The following FRMD4B variants were observed in gnomAD, a reference collection of about 807,000 sequenced individuals.
FRMD4B encodes the protein FERM domain containing 4B, also known as FERM domain-containing protein 4B.
A neutral mutation model predicts 141.5 loss-of-function variants in FRMD4B; 74 were observed. The ratio of observed to expected loss-of-function variants is 0.52; its 90% CI spans 0.43 to 0.63. The LOEUF (loss-of-function observed/expected upper bound fraction) is 0.63. Among genes scored for constraint, FRMD4B ranks in the 30% least tolerant of loss-of-function variants. The pLI is 0.00. For synonymous variants in FRMD4B, 506 were observed against 467.9 expected (o/e 1.08, Z -1.05); for missense variants, 1,366 against 1,253.4 (o/e 1.09, Z -1.36).
chr3:69,265,894 T>G (rs1223268791), intron 5 of FRMD4B, among the ~76,000 whole-genome samples: 1 of 151,992 alleles, frequency 6.6e-6, no homozygotes, highest in East Asian at 1.9e-4. Context: ...TGTCTTATCA[T>G]GTCATAAAAT....
At chr3:69,536,192 G>C (rs541396761) in intron 1 of FRMD4B, 1 of 567,338 alleles carries the variant, frequency 1.8e-6, no homozygotes, top group East Asian at 3.5e-5. Context: ...CACCTTGCCC[G>C]CGTTAGGAGG....
intron 1 of FRMD4B, among the ~76,000 whole-genome samples, chr3:69,337,777 A>G (rs74420772): frequency 0.3 from 46,204 of 151,972 alleles, 7,326 homozygotes; most frequent in Admixed American, 0.35. Flanking sequence ...ACACCAGTTA[A>G]AATGGCAATC....
At chr3:69,338,900 A>T (rs1423784976) in intron 1 of FRMD4B, among the ~76,000 whole-genome samples, 1 of 152,198 alleles carries the variant, frequency 6.6e-6, no homozygotes, top group Non-Finnish European at 1.5e-5. Flanking sequence ...GCTATAAATA[A>T]CTTAGTATAG....
intron 1 of FRMD4B, among the ~76,000 whole-genome samples, chr3:69,350,540 C>A (rs577880540): frequency 1.7e-4 from 26 of 152,248 alleles, no homozygotes; most frequent in South Asian, 4.1e-4. Flanking sequence ...TTTACTGTGA[C>A]ACTATTCACA....
intron 1 of FRMD4B, among the ~76,000 whole-genome samples, chr3:69,510,460 T>C (rs575236398): frequency 6.6e-6 from 1 of 152,330 alleles, no homozygotes; most frequent in South Asian, 2.1e-4. Context: ...TAAAGCAGTT[T>C]CCACTTGGGG....
chr3:69,361,828 G>GTA (rs1426388403), intron 1 of FRMD4B, among the ~76,000 whole-genome samples: 1 of 152,178 alleles, frequency 6.6e-6, no homozygotes, highest in African/African-American at 2.4e-5. Context: ...AGCTGTGTGT[G>GTA]TATGCATGTG....
At chr3:69,190,481 C>G (rs866141753) in intron 17 of FRMD4B, among the ~76,000 whole-genome samples, 1 of 151,072 alleles carries the variant, frequency 6.6e-6, no homozygotes, top group Non-Finnish European at 1.5e-5. Flanking sequence ...ATGGTGTGAT[C>G]GTGGCTCACT....
intron 5 of FRMD4B, among the ~76,000 whole-genome samples, chr3:69,258,670 G>C (rs2093507489): frequency 6.6e-6 from 1 of 152,006 alleles, no homozygotes; most frequent in South Asian, 2.1e-4. Flanking sequence ...ACCTCTGTTT[G>C]ATCTGAGTTG....
Position 69,245,347 on chromosome 3 carries a change from G to GTTT in FRMD4B, c.581+3878_581+3879insAAA, listed in dbSNP as rs1488467550. On this transcript the variant is annotated intron_variant, in intron 7 of 22. Transcript: ENST00000398540. ...TGTGTGTGTGTGTGTGTGTGTGTGT[G>GTTT]TGTGTGTTTTTAGACAGAGTCTTGC... is the stretch of plus-strand genomic sequence containing the variant. Among the ~76,000 whole-genome samples, 102 of 150,890 alleles carry GTTT rather than the reference G, an allele frequency of 6.8e-4. 3 individuals carry two copies. The highest frequency in any genetic ancestry group is 2.4e-3 in the African/African-American group (98 of 40,484).
chr3:69,207,820 A>C (rs1045108644), intron 11 of FRMD4B, among the ~76,000 whole-genome samples: 1 of 151,042 alleles, frequency 6.6e-6, no homozygotes, highest in Non-Finnish European at 1.5e-5. Flanking sequence ...AAAAAAAAAA[A>C]GAAAAAACAA....
chr3:69,210,500 C>T (rs961578832), intron 11 of FRMD4B, among the ~76,000 whole-genome samples: 5 of 151,694 alleles, frequency 3.3e-5, no homozygotes, highest in Non-Finnish European at 5.9e-5. Flanking sequence ...AGTTCTGGTA[C>T]GTTTTCACAT....
At chr3:69,304,480 T>C in intron 3 of FRMD4B, among the ~76,000 whole-genome samples, 1 of 113,198 alleles carries the variant, frequency 8.8e-6, no homozygotes, top group Non-Finnish European at 1.7e-5. Context: ...CAAGATTCTA[T>C]CTCAAAAAAA....
chr3:69,209,143 C>CAA (rs372843775), intron 11 of FRMD4B, among the ~76,000 whole-genome samples: 35 of 108,758 alleles, frequency 3.2e-4, no homozygotes, highest in African/African-American at 9.0e-4. Flanking sequence ...GAATCCATCT[C>CAA]AAAAAAAAAA....
intron 4 of FRMD4B, among the ~76,000 whole-genome samples, 183 bp from the exon 5 acceptor site, chr3:69,288,019 A>T (rs1258003380): frequency 6.6e-6 from 1 of 152,240 alleles, no homozygotes; most frequent in Non-Finnish European, 1.5e-5. Flanking sequence ...GTGTATGTAT[A>T]CCTAAAATCT....
chr3:69,271,389 T>C (rs1310800781), intron 5 of FRMD4B, among the ~76,000 whole-genome samples: 1 of 152,186 alleles, frequency 6.6e-6, no homozygotes, highest in African/African-American at 2.4e-5. Context: ...TGGGCCTCAG[T>C]TTTTTATCTA....
At chr3:69,298,438 C>T (rs11718041) in intron 4 of FRMD4B, among the ~76,000 whole-genome samples, 52,145 of 152,042 alleles carry the variant, frequency 0.34, 10,447 homozygotes, top group Middle Eastern at 0.5. Context: ...TGCCCTGTTC[C>T]GATCTGTCCT....
intron 1 of FRMD4B, among the ~76,000 whole-genome samples, chr3:69,355,835 G>T (rs1575760909): frequency 6.6e-6 from 1 of 152,216 alleles, no homozygotes; most frequent in African/African-American, 2.4e-5. Context: ...GACCAGCCTG[G>T]CCAACATGGC....
chr3:69,488,042 GAGAA>G (rs748707181), intron 1 of FRMD4B, among the ~76,000 whole-genome samples: 57 of 144,788 alleles, frequency 3.9e-4, no homozygotes, highest in African/African-American at 1.4e-3. Flanking sequence ...GAAAAAGAAA[GAGAA>G]AGAAAGAAAG....
intron 5 of FRMD4B, among the ~76,000 whole-genome samples, chr3:69,283,109 C>CAT (rs2093651564): frequency 6.6e-6 from 1 of 151,984 alleles, no homozygotes; most frequent in Non-Finnish European, 1.5e-5. Flanking sequence ...CCAGGCCAGG[C>CAT]GCTGTGGCTC....
Sources: allele counts gnomAD v4.1 joint callset (sites outside exome capture counted in the v4.1 genomes callset), GRCh38; gene constraint gnomAD v4.1.1; transcripts MANE v1.5; gene names NCBI Gene and HGNC (gene_info 2026-07-23, HGNC 2026-07-21).